Variants in RORA observed in about 807,000 individuals in gnomAD.
The protein encoded by RORA is nuclear receptor ROR-alpha.
In RORA, 7 loss-of-function variants were observed where a neutral mutation model predicts 69.5. That is an observed-to-expected ratio of 0.10 (90% CI 0.06 to 0.19). The LOEUF (loss-of-function observed/expected upper bound fraction) is 0.19. Among genes scored for constraint, RORA ranks in the 10% least tolerant of loss-of-function variants. The pLI is 1.00. For synonymous variants in RORA, 261 were observed against 240.8 expected (o/e 1.08, Z -0.78); for missense variants, 457 against 663.0 (o/e 0.69, Z 3.41).
At chr15:60,939,039 T>C (rs1379699858) in intron 1 of RORA, among the ~76,000 whole-genome samples, 5 of 152,216 alleles carry the variant, frequency 3.3e-5, no homozygotes, top group African/African-American at 1.2e-4. Flanking sequence ...CCATTGCTCG[T>C]TGGTCCATTT....
chr15:60,587,417 CA>C (rs2068366657), intron 2 of RORA, among the ~76,000 whole-genome samples: 1 of 152,052 alleles, frequency 6.6e-6, no homozygotes, highest in Admixed American at 6.6e-5. Flanking sequence ...AAGTTATATC[CA>C]GGACGTTTTT....
At chr15:60,505,457 C>A in intron 6 of RORA, 51 bp downstream of exon 6, 1 of 1,597,130 alleles carries the variant, frequency 6.3e-7, no homozygotes. Flanking sequence ...TATACCAACA[C>A]CCTTCCCAAT....
rs1386611244 is a variant in RORA, at chr15:60,496,082, TCCCTCACCCTCCTATCCATCGTTTTTC to T, written c.*1346_*1372del. 11 of 152,300 alleles carry T rather than the reference TCCCTCACCCTCCTATCCATCGTTTTTC, an allele frequency of 7.2e-5. No individual in the cohort carries two copies. The highest frequency in any genetic ancestry group is 2.4e-4 in the African/African-American group (10 of 41,554). 9.4% of individuals were successfully genotyped at this position (152,300 alleles called of 1,614,324 possible). A position where few individuals can be genotyped will look rare whatever the true frequency, so the allele number is the denominator to read the frequency against. ...AGAAACTGGTTCAACATTGTATGCT[TCCCTCACCCTCCTATCCATCGTTTTTC>T]AAATATGGAGAGCAACATTCTTGAA... On this transcript the variant is annotated 3_prime_UTR_variant, in exon 11 of 11. Coordinates refer to ENST00000335670, the MANE Select transcript of RORA (RefSeq NM_134261.3). This position sits in a 1 kb window ranked among gnomAD's most constrained non-coding sequence, Gnocchi z 4.5.
rs2066623499 is a variant in RORA at position 60,534,610 on chromosome 15, G to T, written c.197-2759C>A. 6.6e-6 allele frequency among the ~76,000 whole-genome samples: 1 copy of T among 152,034 alleles called. No individual in the cohort carries two copies. Among genetic ancestry groups the T allele is most frequent in the African/African-American group, 2.4e-5 (1 of 41,390 alleles). On this transcript the variant is annotated intron_variant, in intron 2 of 10. Coordinates refer to ENST00000335670, the MANE Select transcript of RORA (RefSeq NM_134261.3). The surrounding 1 kb of genome is among the most constrained non-coding windows in gnomAD (Gnocchi z 5.0). ...GAATCTCTCGGTAAGGTGGTAGAAG[G>T]GTTTCTGGATAGCAAGTTGAGGTAT...
chr15:60,548,286 CAG>C (rs2067132153), intron 2 of RORA, among the ~76,000 whole-genome samples: 1 of 152,164 alleles, frequency 6.6e-6, no homozygotes, highest in Non-Finnish European at 1.5e-5. Flanking sequence ...TGAAAACACT[CAG>C]TGAGCACATA....
chr15:60,801,076 T>C (rs1386312358), intron 1 of RORA, among the ~76,000 whole-genome samples: 3 of 152,204 alleles, frequency 2.0e-5, no homozygotes, highest in African/African-American at 7.2e-5. Context: ...TAAAGAGTTA[T>C]TACCAAAGGC....
At chr15:60,958,113 A>C (rs1893320282) in intron 1 of RORA, among the ~76,000 whole-genome samples, 1 of 152,144 alleles carries the variant, frequency 6.6e-6, no homozygotes, top group South Asian at 2.1e-4. Context: ...CACAAATCTA[A>C]AATCTGAGCT....
intron 1 of RORA, among the ~76,000 whole-genome samples, chr15:61,217,339 T>C (rs1235913647): frequency 6.6e-6 from 1 of 152,026 alleles, no homozygotes; most frequent in Non-Finnish European, 1.5e-5. Flanking sequence ...GCAAGGCCCA[T>C]ATGACTGACT....
At chr15:60,702,378 C>T (rs766202820) in intron 1 of RORA, among the ~76,000 whole-genome samples, 1 of 151,894 alleles carries the variant, frequency 6.6e-6, no homozygotes, top group Non-Finnish European at 1.5e-5. Flanking sequence ...ATTACAGGCA[C>T]GAGCCACCAT....
intron 1 of RORA, among the ~76,000 whole-genome samples, chr15:60,944,618 A>G (rs7175050): frequency 0.99 from 148,956 of 150,790 alleles, 73,600 homozygotes; most frequent in Middle Eastern, 1. Context: ...TCAGCTACTT[A>G]GGAGGCTGAG....
At position 61,147,296 on chromosome 15, in the gene RORA, C is replaced by A. The variant is rs1467903148; in HGVS notation, c.166+81757G>T. 6.6e-6 allele frequency among the ~76,000 whole-genome samples: 1 copy of A among 152,194 alleles called. No homozygotes were observed. Among genetic ancestry groups the A allele is most frequent in the Admixed American group, 6.5e-5 (1 of 15,286 alleles). ...GAGCTCAGATGCCAGACAGCCACGA[C>A]TTTGGCCCTCTGTGGTGCCTGGCCA... On this transcript the variant is annotated intron_variant, in intron 1 of 10. Transcript: ENST00000335670. The surrounding 1 kb of genome is among the most constrained non-coding windows in gnomAD (Gnocchi z 4.1).
chr15:60,613,057 AG>A (rs2069136826), intron 2 of RORA, among the ~76,000 whole-genome samples: 1 of 151,628 alleles, frequency 6.6e-6, no homozygotes, highest in East Asian at 1.9e-4. Context: ...GTGTAGGTGA[AG>A]GTGATTATAT....
intron 1 of RORA, among the ~76,000 whole-genome samples, chr15:60,717,118 A>G (rs1268735605): frequency 6.6e-6 from 1 of 152,156 alleles, no homozygotes; most frequent in Non-Finnish European, 1.5e-5. Flanking sequence ...ATCTGACAAT[A>G]TCTCCAGGTA....
intron 1 of RORA, among the ~76,000 whole-genome samples, chr15:60,894,583 G>A (rs1891177712): frequency 6.6e-6 from 1 of 152,196 alleles, no homozygotes; most frequent in African/African-American, 2.4e-5. Context: ...ATGAGCAAGG[G>A]GATCAGAAAA....
At chr15:60,719,885 G>A (rs1165145863) in intron 1 of RORA, among the ~76,000 whole-genome samples, 1 of 152,178 alleles carries the variant, frequency 6.6e-6, no homozygotes, top group Non-Finnish European at 1.5e-5. Flanking sequence ...AACATGTTGT[G>A]TGCTTCAGAA....
At chr15:60,903,187 G>T (rs12904857) in intron 1 of RORA, among the ~76,000 whole-genome samples, 1 of 152,112 alleles carries the variant, frequency 6.6e-6, no homozygotes, top group African/African-American at 2.4e-5. Flanking sequence ...GTTTTGGAAG[G>T]TTCCAGGAGA....
At position 60,500,906 on chromosome 15, in the gene RORA, T is replaced by C. The variant is rs2065311626; in HGVS notation, c.1294+53A>G. ...TTAAACGTATGGGCCTTGTAAAAAT[T>C]CTTTATCTTAGACAATTCGAAAACC... is the stretch of plus-strand genomic sequence containing the variant. On this transcript the variant is annotated intron_variant, in intron 9 of 10. Transcript: ENST00000335670. The C allele has an allele frequency of 2.9e-6, 3 of 1,030,028 alleles. No individual in the cohort carries two copies. The Admixed American group carries it at 6.2e-5, about 21-fold the overall frequency. 63.8% of individuals were successfully genotyped at this position (1,030,028 alleles called of 1,614,324 possible).
chr15:60,632,760 A>T (rs2069766031), intron 2 of RORA, among the ~76,000 whole-genome samples: 1 of 152,122 alleles, frequency 6.6e-6, no homozygotes, highest in South Asian at 2.1e-4. Flanking sequence ...GGGATTTGCT[A>T]CTTTGAGCTA....
chr15:60,834,883 C>T (rs1252125003), intron 1 of RORA, among the ~76,000 whole-genome samples: 1 of 152,098 alleles, frequency 6.6e-6, no homozygotes, highest in South Asian at 2.1e-4. Flanking sequence ...TCCTTCAGGA[C>T]CCTCATCTTC....
Sources: allele counts gnomAD v4.1 joint callset (sites outside exome capture counted in the v4.1 genomes callset), GRCh38; gene constraint gnomAD v4.1.1; non-coding constraint Gnocchi (gnomAD v3.1); transcripts MANE v1.5; gene names NCBI Gene and HGNC (gene_info 2026-07-23, HGNC 2026-07-21).